The following MSN variants were observed in gnomAD, a reference collection of about 807,000 sequenced individuals.
MSN encodes moesin.
In MSN, 2 loss-of-function variants were observed where a neutral mutation model predicts 48.0. The ratio of observed to expected loss-of-function variants is 0.04; its 90% CI spans 0.02 to 0.13. The LOEUF (loss-of-function observed/expected upper bound fraction) is 0.13, where lower values mean the gene tolerates loss of function less well. Among genes scored for constraint, MSN ranks in the 10% least tolerant of loss-of-function variants. MSN has a pLI of 1.00. For missense variants in MSN, 267 were observed against 470.1 expected (o/e 0.57, Z 3.99); for synonymous variants, 146 against 166.9 (o/e 0.87, Z 0.97).
chrX:65,611,167 AT>A (rs570494964), intron 1 of MSN, among the ~76,000 whole-genome samples: 7,193 of 78,060 alleles, frequency 0.092, 775 homozygotes, highest in African/African-American at 0.47. Flanking sequence ...CTTTCTTTCT[AT>A]TTTTTTTTTT....
upstream of MSN, among the ~76,000 whole-genome samples, chrX:65,664,043 G>C (rs775691135): frequency 1.1e-3 from 111 of 101,963 alleles, no homozygotes; most frequent in African/African-American, 3.9e-3. Flanking sequence ...CTGGGTGACA[G>C]AGTGAGACTC....
In MSN at chrX:65,677,626, C is replaced by T. The variant is rs192014591; in HGVS notation, c.12+9773C>T. ...TAGAAAAAATAGCCGGGCGTGTTGG[C>T]GGGAGCCTGTAATCCCAGCTACTTG... On this transcript the variant is annotated intron_variant, in intron 1 of 12. Transcript: ENST00000360270. Among the ~76,000 whole-genome samples the T allele has an allele frequency of 7.1e-3, 776 of 109,992 alleles. 5 individuals are homozygous for T. Among genetic ancestry groups the T allele is most frequent in the Admixed American group, 9.2e-3 (95 of 10,328 alleles).
At chrX:65,729,840 T>C (rs1215046744) in intron 4 of MSN, 128 bp downstream of exon 4, 3 of 708,375 alleles carry the variant, frequency 4.2e-6, no homozygotes, top group Non-Finnish European at 4.1e-6. Context: ...GACTGTGTTA[T>C]GCTGCTCAAG....
At chrX:65,670,899 TATATATATATATATA>T (rs2070928791) in intron 1 of MSN, among the ~76,000 whole-genome samples, 1 of 584 alleles carries the variant, frequency 1.7e-3, no homozygotes, top group Admixed American at 0.013. Flanking sequence ...ATGACAGTTA[TATATATATATATATA>T]TATATATATA....
At position 65,683,393 on chromosome X, in the gene MSN, GCCACCACCACCACCA is replaced by G. The variant is rs535010759; in HGVS notation, c.12+15576_12+15590del. Among the ~76,000 whole-genome samples, 274 of 91,311 alleles carry G rather than the reference GCCACCACCACCACCA, an allele frequency of 3.0e-3. 6 individuals carry two copies. In the East Asian group the frequency reaches 0.068, roughly 23 times the overall value. The allele number at this position is 91,311 out of a possible 115,157, so 79.3% of individuals were successfully genotyped here. A position where few individuals can be genotyped will look rare whatever the true frequency, so the allele number is the denominator to read the frequency against. On this transcript the variant is annotated intron_variant, in intron 1 of 12. Coordinates refer to ENST00000360270, the MANE Select transcript of MSN (RefSeq NM_002444.3). ...TGCTATTGCTACTGTTGCCGCCGCC[GCCACCACCACCACCA>G]CCACCACCACCACCACCACCACCAC...
At chrX:65,662,297 T>C (rs1478820588) in intron 1 of MSN, among the ~76,000 whole-genome samples, 1 of 112,435 alleles carries the variant, frequency 8.9e-6, no homozygotes, top group Non-Finnish European at 1.9e-5. Context: ...AAAATTCACA[T>C]GGAACCAAAA....
chrX:65,714,390 C>T (rs973917495), intron 1 of MSN, among the ~76,000 whole-genome samples: 1 of 111,704 alleles, frequency 9.0e-6, no homozygotes, highest in Non-Finnish European at 1.9e-5. Flanking sequence ...GAGAAATTGC[C>T]ACACTGTTTT....
intron 1 of MSN, among the ~76,000 whole-genome samples, chrX:65,691,530 G>GT (rs2071172445): frequency 9.0e-6 from 1 of 111,173 alleles, no homozygotes; most frequent in Non-Finnish European, 1.9e-5. Flanking sequence ...TTGAGATGGA[G>GT]TTTTGCTCTT....
intron 1 of MSN, among the ~76,000 whole-genome samples, chrX:65,590,169 A>G (rs73522142): frequency 0.19 from 20,799 of 110,366 alleles, 4,783 homozygotes; most frequent in African/African-American, 0.65. Context: ...CTGGGCTACT[A>G]CCATATTCAG....
chrX:65,674,551 C>T (rs1198825989), intron 1 of MSN, among the ~76,000 whole-genome samples: 1 of 112,118 alleles, frequency 8.9e-6, no homozygotes, highest in Non-Finnish European at 1.9e-5. Context: ...CCCCAGTTCC[C>T]TGCTTTCTCT....
intron 1 of MSN, among the ~76,000 whole-genome samples, chrX:65,653,453 A>G (rs1303110384): frequency 9.0e-6 from 1 of 111,450 alleles, no homozygotes; most frequent in African/African-American, 3.3e-5. Context: ...CAGAAAAAAA[A>G]TAATGTTAAA....
intron 1 of MSN, among the ~76,000 whole-genome samples, chrX:65,649,477 G>A (rs866901594): frequency 2.1e-4 from 21 of 102,413 alleles, no homozygotes; most frequent in Middle Eastern, 4.9e-3. Context: ...TTGGGAGGCT[G>A]AGGCAGGAGA....
intron 1 of MSN, among the ~76,000 whole-genome samples, chrX:65,614,533 C>A (rs1179132724): frequency 9.3e-6 from 1 of 107,945 alleles, no homozygotes; most frequent in Non-Finnish European, 1.9e-5. Flanking sequence ...TTTGTTGTGT[C>A]CTCTTATTTC....
At chrX:65,730,891 G>C (rs1169477817) in intron 4 of MSN, among the ~76,000 whole-genome samples, 1 of 111,635 alleles carries the variant, frequency 9.0e-6, no homozygotes, top group African/African-American at 3.3e-5. Flanking sequence ...TGTTGTTTTT[G>C]ATCATCCATT....
intron 1 of MSN, among the ~76,000 whole-genome samples, chrX:65,615,443 C>A (rs1262532952): frequency 9.0e-6 from 1 of 110,552 alleles, no homozygotes; most frequent in African/African-American, 3.4e-5. Context: ...ATTTGCATTT[C>A]TCTGATGGCC....
chrX:65,694,039 C>T (rs1275020331), intron 1 of MSN, among the ~76,000 whole-genome samples: 1 of 103,582 alleles, frequency 9.7e-6, no homozygotes, highest in Non-Finnish European at 2.0e-5. Context: ...GGTGACAGAG[C>T]AAGACTCCAT....
chrX:65,608,545 T>A (rs925147679), intron 1 of MSN, among the ~76,000 whole-genome samples: 3 of 110,785 alleles, frequency 2.7e-5, no homozygotes, highest in Non-Finnish European at 3.8e-5. Flanking sequence ...TTGTGTGGAA[T>A]GCAAGAAACA....
intron 1 of MSN, among the ~76,000 whole-genome samples, chrX:65,620,848 C>A (rs1350018963): frequency 9.4e-6 from 1 of 106,730 alleles, no homozygotes; most frequent in Non-Finnish European, 1.9e-5. Flanking sequence ...TTGTCAAATA[C>A]TAGATTATGA....
chrX:65,716,180 C>T (rs1010099203), intron 1 of MSN, among the ~76,000 whole-genome samples: 2 of 111,919 alleles, frequency 1.8e-5, no homozygotes, highest in Admixed American at 9.4e-5. Context: ...GAAGAGAACC[C>T]TGTGAGATGA....
Sources: allele counts gnomAD v4.1 joint callset (sites outside exome capture counted in the v4.1 genomes callset), GRCh38; gene constraint gnomAD v4.1.1; transcripts MANE v1.5; gene names NCBI Gene and HGNC (gene_info 2026-07-23, HGNC 2026-07-21).